Variants in KDM4B observed in about 807,000 individuals in gnomAD.
The protein encoded by KDM4B is lysine-specific demethylase 4B.
Under a neutral mutation model 125.2 loss-of-function variants are expected in KDM4B, and 32 were observed. The ratio of observed to expected loss-of-function variants is 0.26; its 90% CI spans 0.19 to 0.34. The LOEUF (loss-of-function observed/expected upper bound fraction) is 0.34, where lower values mean the gene tolerates loss of function less well. KDM4B is among the 10% of genes least tolerant of loss of function. KDM4B has a pLI of 1.00. For synonymous variants in KDM4B, 721 were observed against 677.9 expected (o/e 1.06, Z -0.99); for missense variants, 1,190 against 1,577.7 (o/e 0.75, Z 4.16).
chr19:5,140,353 C>T (rs1033561798), intron 18 of KDM4B: 2 of 152,654 alleles, frequency 1.3e-5, no homozygotes, highest in South Asian at 2.1e-4. Context: ...GCGCACAAGG[C>T]ACTTGGGGCT....
At chr19:5,070,249 C>T (rs571863665) in intron 6 of KDM4B, among the ~76,000 whole-genome samples, 5 of 152,092 alleles carry the variant, frequency 3.3e-5, no homozygotes, top group South Asian at 2.1e-4. Flanking sequence ...GTGGTGTCCC[C>T]GTTGGCACTG....
intron 1 of KDM4B, among the ~76,000 whole-genome samples, chr19:5,007,950 C>T (rs777018861): frequency 6.6e-6 from 1 of 152,250 alleles, no homozygotes; most frequent in South Asian, 2.1e-4. Flanking sequence ...TCCAAAGCCA[C>T]GAAGGTTTAA....
chr19:5,090,623 C>A (rs1487217484), intron 9 of KDM4B, among the ~76,000 whole-genome samples: 1 of 106,018 alleles, frequency 9.4e-6, no homozygotes, highest in African/African-American at 4.2e-5. Flanking sequence ...TCTGTCTCCC[C>A]GCTGCGCGCG....
rs946103188 is a variant in KDM4B, at chr19:5,152,885, A to T, written c.*1374A>T. On this transcript the variant is annotated 3_prime_UTR_variant, in exon 23 of 23. Coordinates refer to ENST00000159111, the MANE Select transcript of KDM4B (RefSeq NM_015015.3). ...ATATAGCAAGACCCCATCACTACAA[A>T]TTTTTTACAAATTAGCTAGGTGTGG... The T allele has an allele frequency of 6.6e-6, 1 of 152,134 alleles. No individual in the cohort carries two copies. The highest frequency in any genetic ancestry group is 2.4e-5 in the African/African-American group (1 of 41,414). 9.4% of individuals were successfully genotyped at this position (152,134 alleles called of 1,614,324 possible). A position where few individuals can be genotyped will look rare whatever the true frequency, so the allele number is the denominator to read the frequency against.
intron 21 of KDM4B, among the ~76,000 whole-genome samples, chr19:5,147,649 G>A (rs1418313120): frequency 6.6e-6 from 1 of 151,918 alleles, no homozygotes; most frequent in East Asian, 1.9e-4. Flanking sequence ...AAGCTGAGGT[G>A]GGAGGATCAC....
intron 2 of KDM4B, among the ~76,000 whole-genome samples, chr19:5,028,890 A>G: frequency 6.6e-6 from 1 of 152,072 alleles, no homozygotes; most frequent in East Asian, 1.9e-4. Context: ...CTGTCTGCCC[A>G]AGTCCTTGGC....
chr19:5,035,880 T>TGTGTGTGTGTGCGCGCGCGC lies in KDM4B; in HGVS notation c.141+2850_141+2851insTGTGTGTGTGCGCGCGCGCG, dbSNP rs58219404. Among the ~76,000 whole-genome samples the TGTGTGTGTGTGCGCGCGCGC allele has an allele frequency of 7.3e-6, 1 of 136,400 alleles. No homozygotes were observed. Among genetic ancestry groups the TGTGTGTGTGTGCGCGCGCGC allele is most frequent in the Admixed American group, 7.0e-5 (1 of 14,218 alleles). 89.5% of individuals were successfully genotyped at this position (136,400 alleles called of 152,430 possible). On this transcript the variant is annotated intron_variant, in intron 3 of 22. Coordinates refer to ENST00000159111, the MANE Select transcript of KDM4B (RefSeq NM_015015.3). This position sits in a 1 kb window ranked among gnomAD's most constrained non-coding sequence, Gnocchi z 5.3. ...ACGTGTCTCTGTGTGTGTGTGTGTGTGCGCGCGCGCGCGCGCCTGCGCGCA... is the reference window on the plus strand; with the variant it reads ...ACGTGTCTCTGTGTGTGTGTGTGTGTGTGTGTGTGTGCGCGCGCGCGCGCGCGCGCGCGCGCCTGCGCGCA...
intron 1 of KDM4B, among the ~76,000 whole-genome samples, chr19:5,006,106 G>A (rs998165595): frequency 3.3e-5 from 5 of 151,980 alleles, no homozygotes; most frequent in South Asian, 2.1e-4. Flanking sequence ...TGGTGGCGGC[G>A]GCAGGGAGCC....
chr19:5,126,504 C>T (rs963508398), intron 11 of KDM4B, among the ~76,000 whole-genome samples: 3 of 152,198 alleles, frequency 2.0e-5, no homozygotes, highest in African/African-American at 4.8e-5. Flanking sequence ...GGCATAGTGC[C>T]GTCCTGCCTC....
chr19:5,002,492 C>T (rs1437087288), intron 1 of KDM4B, among the ~76,000 whole-genome samples: 4 of 148,172 alleles, frequency 2.7e-5, no homozygotes, highest in African/African-American at 1.0e-4. Flanking sequence ...TCTTTCCTTT[C>T]TTCTTTCTTT....
chr19:5,063,444 C>T (rs2037668658), intron 6 of KDM4B, among the ~76,000 whole-genome samples: 1 of 152,198 alleles, frequency 6.6e-6, no homozygotes, highest in African/African-American at 2.4e-5. Context: ...CATGTGTGTA[C>T]ATGGGCACTG....
At chr19:5,127,628 C>T (rs2039471639) in intron 11 of KDM4B, among the ~76,000 whole-genome samples, 1 of 152,198 alleles carries the variant, frequency 6.6e-6, no homozygotes, top group Admixed American at 6.5e-5. Flanking sequence ...CTTTGTCTCC[C>T]ATGCCTGGTC....
chr19:5,088,130 C>T (rs77241212), intron 9 of KDM4B, among the ~76,000 whole-genome samples: 1,665 of 152,294 alleles, frequency 0.011, 49 homozygotes, highest in South Asian at 0.066. Flanking sequence ...CCTGTTTCCT[C>T]GTGGGCGGGA....
rs780236612 is a variant in KDM4B, at chr19:5,095,723, GC to G, written c.918+13220del. ...CTCAACCTGGATCAGATCACAAGGGGCTGGCCAGGGCAGGGCAGAGCCTGCT... is the reference window on the plus strand; with the variant it reads ...CTCAACCTGGATCAGATCACAAGGGGTGGCCAGGGCAGGGCAGAGCCTGCT... On this transcript the variant is annotated intron_variant, in intron 9 of 22. Coordinates refer to ENST00000159111, the MANE Select transcript of KDM4B (RefSeq NM_015015.3). Among the ~76,000 whole-genome samples the G allele has an allele frequency of 8.6e-4, 131 of 152,300 alleles. 1 individual carries two copies. The highest frequency in any genetic ancestry group is 1.4e-3 in the Non-Finnish European group (92 of 67,998).
rs2034295317 is a variant in KDM4B, at chr19:4,972,505, G to A, written c.-109+3275G>A. ...CACGTTCTGGGCTGGGACATTCTGT[G>A]GCGGGGCTGTCCTGGGCACCGTAGG... On this transcript the variant is annotated intron_variant, in intron 1 of 22. Transcript: ENST00000159111. Among the ~76,000 whole-genome samples, 3 of 152,254 alleles carry A rather than the reference G, an allele frequency of 2.0e-5. No individual in the cohort carries two copies. The South Asian group carries it at 6.2e-4, about 32-fold the overall frequency.
chr19:5,080,905 A>G (rs1490760121), intron 8 of KDM4B: 1 of 152,256 alleles, frequency 6.6e-6, no homozygotes, highest in Admixed American at 6.5e-5. Context: ...GACAGTGGGA[A>G]CAAATCTCAG....
chr19:5,016,034 A>G (rs2035883150), intron 1 of KDM4B, among the ~76,000 whole-genome samples: 1 of 152,196 alleles, frequency 6.6e-6, no homozygotes, highest in African/African-American at 2.4e-5. Flanking sequence ...TGGCCCGTAG[A>G]TTTTAGGAGC....
intron 13 of KDM4B, among the ~76,000 whole-genome samples, chr19:5,132,400 C>G (rs1202090217): frequency 2.0e-5 from 3 of 152,180 alleles, no homozygotes; most frequent in Non-Finnish European, 4.4e-5. Context: ...CGATTTAACC[C>G]TCAGCCGAGA....
Position 5,119,698 on chromosome 19 carries a change from C to T in KDM4B, c.1161C>T (p.Asp387=). 7 of 1,555,064 alleles carry T rather than the reference C, an allele frequency of 4.5e-6. No homozygotes were observed. Among genetic ancestry groups the T allele is most frequent in the Non-Finnish European group, 4.4e-6 (5 of 1,148,996 alleles). The change falls in exon 11 of 23, where the codon GAC becomes GAT. Residue 387 remains aspartate (D), a synonymous_variant. Transcript: ENST00000159111. The part of the protein sequence containing the change: ...RSQPKKPKPE[D]PKFPGEGTAG... ...AGCCCAAGAAGCCGAAGCCCGAAGACCCCAAGTTCCCTGGGGAGGGTACGG... is the reference window on the plus strand; with the variant it reads ...AGCCCAAGAAGCCGAAGCCCGAAGATCCCAAGTTCCCTGGGGAGGGTACGG...
Sources: gnomAD v4.1 joint callset for allele counts (sites outside exome capture counted in the v4.1 genomes callset) on GRCh38, gnomAD v4.1.1 for gene constraint, Gnocchi (gnomAD v3.1) non-coding constraint, MANE v1.5 for transcripts, NCBI Gene and HGNC (gene_info 2026-07-23, HGNC 2026-07-21) for gene names.